DISC1: variants seen among roughly 807,000 people sequenced by gnomAD.
The protein encoded by DISC1 is DISC1 scaffold protein, also known as disrupted in schizophrenia 1 protein.
Under a neutral mutation model 84.5 loss-of-function variants are expected in DISC1, and 57 were observed. The observed-to-expected ratio is 0.67, with a 90% CI of 0.55 to 0.84. The LOEUF (loss-of-function observed/expected upper bound fraction) is 0.84. Among genes scored for constraint, DISC1 ranks in the 40% least tolerant of loss-of-function variants. The pLI, the probability that DISC1 is intolerant of heterozygous loss-of-function variation, is 0.00. For synonymous variants in DISC1, 411 were observed against 415.2 expected, an observed-to-expected ratio of 0.99 and a Z score of 0.12; for missense variants, 1,000 against 1,057.8, an observed-to-expected ratio of 0.95 and a Z score of 0.76.
intron 6 of DISC1, among the ~76,000 whole-genome samples, chr1:231,786,669 G>T (rs1020929981): frequency 6.6e-6 from 1 of 152,176 alleles, no homozygotes; most frequent in Non-Finnish European, 1.5e-5. Context: ...CAGAGTAAGG[G>T]GTCAAATGGA....
intron 3 of DISC1, chr1:231,721,020 T>C (rs2069604573): frequency 1.5e-6 from 2 of 1,290,830 alleles, no homozygotes; most frequent in Non-Finnish European, 2.0e-6. Context: ...AAATTGACAA[T>C]GGAAAATGGG....
intron 3 of DISC1, among the ~76,000 whole-genome samples, chr1:231,726,438 C>T (rs2812380): frequency 2.0e-5 from 3 of 152,070 alleles, no homozygotes; most frequent in East Asian, 3.9e-4. Flanking sequence ...GTCACCTGGC[C>T]TCCACCAAGG....
chr1:231,998,915 T>C (rs981193407), intron 10 of DISC1, among the ~76,000 whole-genome samples: 3 of 151,912 alleles, frequency 2.0e-5, no homozygotes, highest in Non-Finnish European at 4.4e-5. Flanking sequence ...TGGGATGGGG[T>C]AGAATGAGAG....
intron 9 of DISC1, among the ~76,000 whole-genome samples, chr1:231,892,683 T>C (rs530162981): frequency 6.8e-6 from 1 of 146,796 alleles, no homozygotes; most frequent in Non-Finnish European, 1.5e-5. Flanking sequence ...AAAAAAAAAA[T>C]GGTAAGTCTG....
chr1:232,024,165 GT>G (rs1669232537), intron 11 of DISC1, among the ~76,000 whole-genome samples: 1 of 151,926 alleles, frequency 6.6e-6, no homozygotes, highest in Non-Finnish European at 1.5e-5. Flanking sequence ...TCACACTAAA[GT>G]TCCTTTAATT....
chr1:231,936,656 T>A (rs1366705781), intron 9 of DISC1, among the ~76,000 whole-genome samples: 1 of 152,210 alleles, frequency 6.6e-6, no homozygotes, highest in Non-Finnish European at 1.5e-5. Context: ...TCCCGGGAAC[T>A]GTTGTCACAT....
At chr1:231,784,054 G>A (rs994306085) in intron 6 of DISC1, among the ~76,000 whole-genome samples, 5 of 152,062 alleles carry the variant, frequency 3.3e-5, no homozygotes, top group Non-Finnish European at 7.4e-5. Flanking sequence ...ACGAGGTCAG[G>A]AGTTTGAGAC....
At chr1:231,772,705 C>A (rs530237325) in intron 6 of DISC1, among the ~76,000 whole-genome samples, 2 of 152,286 alleles carry the variant, frequency 1.3e-5, no homozygotes, top group East Asian at 3.9e-4. Context: ...TTCTGAAGGC[C>A]TTCAAACTAC....
chr1:231,627,378 C>T (rs947135821), intron 1 of DISC1, among the ~76,000 whole-genome samples: 2 of 152,238 alleles, frequency 1.3e-5, no homozygotes, highest in Admixed American at 6.5e-5. Context: ...CGCCTTAACC[C>T]CAAGACCCAG....
intron 9 of DISC1, among the ~76,000 whole-genome samples, chr1:231,902,936 C>T (rs968595870): frequency 6.6e-6 from 1 of 152,160 alleles, no homozygotes; most frequent in Non-Finnish European, 1.5e-5. Context: ...AGCCTGTATA[C>T]ATATCATAGC....
At chr1:231,877,648 G>T (rs1486294030) in intron 9 of DISC1, among the ~76,000 whole-genome samples, 1 of 152,150 alleles carries the variant, frequency 6.6e-6, no homozygotes, top group Non-Finnish European at 1.5e-5. Context: ...TGGATGTTAG[G>T]TATTAATGTT....
At chr1:231,857,495 C>T (rs1037287920) in intron 9 of DISC1, among the ~76,000 whole-genome samples, 6 of 152,124 alleles carry the variant, frequency 3.9e-5, no homozygotes, top group African/African-American at 1.4e-4. Flanking sequence ...CAGATCCCTG[C>T]CATGCCATTT....
intron 9 of DISC1, among the ~76,000 whole-genome samples, chr1:231,825,550 T>C (rs2081803014): frequency 6.6e-6 from 1 of 152,186 alleles, no homozygotes; most frequent in Admixed American, 6.5e-5. Flanking sequence ...TTCATGATCT[T>C]AAAGAAGAGC....
chr1:231,714,301 T>A lies in DISC1; in HGVS notation c.1117+12277T>A, dbSNP rs151314740. On this transcript the variant is annotated intron_variant, in intron 3 of 12. Coordinates refer to ENST00000439617, the MANE Select transcript of DISC1 (RefSeq NM_018662.3). ...CCAGAAATACACCCATATATCTGTG[T>A]CCAGTTGATTTTTGACAAGGGGTGC... is the stretch of plus-strand genomic sequence containing the variant. 3.5e-4 allele frequency among the ~76,000 whole-genome samples: 53 copies of A among 152,280 alleles called. 1 individual carries two copies. In the East Asian group the frequency reaches 9.7e-3, roughly 28 times the overall value.
At chr1:231,939,164 G>C (rs1294875125) in intron 9 of DISC1, among the ~76,000 whole-genome samples, 2 of 152,128 alleles carry the variant, frequency 1.3e-5, no homozygotes, top group African/African-American at 4.8e-5. Flanking sequence ...GTGTTTTATT[G>C]TATTAATTCT....
intron 9 of DISC1, among the ~76,000 whole-genome samples, chr1:231,922,769 G>T (rs1201571645): frequency 6.6e-6 from 1 of 152,030 alleles, no homozygotes; most frequent in Non-Finnish European, 1.5e-5. Context: ...CTTCCAGCTG[G>T]CCTTTTGAGC....
chr1:232,008,305 G>C (rs186350892), intron 10 of DISC1, among the ~76,000 whole-genome samples: 1 of 152,210 alleles, frequency 6.6e-6, no homozygotes, highest in African/African-American at 2.4e-5. Context: ...ATATTTTCCA[G>C]TTGGAAGGCA....
intron 1 of DISC1, among the ~76,000 whole-genome samples, chr1:231,672,280 T>C (rs993651594): frequency 2.0e-5 from 3 of 152,232 alleles, no homozygotes; most frequent in Non-Finnish European, 2.9e-5. Context: ...CCTGACTGAT[T>C]TGACCTCAGT....
At chr1:231,783,634 G>T (rs2077597222) in intron 6 of DISC1, among the ~76,000 whole-genome samples, 1 of 152,154 alleles carries the variant, frequency 6.6e-6, no homozygotes, top group African/African-American at 2.4e-5. Context: ...TGATGAAACT[G>T]GACTTCAATG....
Sources: gnomAD v4.1 joint callset for allele counts (sites outside exome capture counted in the v4.1 genomes callset) on GRCh38, gnomAD v4.1.1 for gene constraint, MANE v1.5 for transcripts, NCBI Gene and HGNC (gene_info 2026-07-23, HGNC 2026-07-21) for gene names.